PTPRZ1: variants seen among roughly 807,000 people sequenced by gnomAD.
PTPRZ1 encodes the protein protein tyrosine phosphatase receptor type Z1.
In PTPRZ1, 82 loss-of-function variants were observed where a neutral mutation model predicts 214.1. The observed-to-expected ratio is 0.38, with a 90% CI of 0.32 to 0.46. The LOEUF is 0.46. Ranked by LOEUF, PTPRZ1 falls within the 20% of genes least tolerant of loss-of-function variation. The probability of loss-of-function intolerance (pLI) is 1.00; values close to 1 mark genes in which losing one functional copy is unlikely to be tolerated. For synonymous variants in PTPRZ1, 945 were observed against 987.9 expected (o/e 0.96, Z 0.81); for missense variants, 2,603 against 2,748.7 (o/e 0.95, Z 1.19).
intron 25 of PTPRZ1, among the ~76,000 whole-genome samples, chr7:122,052,525 T>G (rs1792218637): frequency 6.6e-6 from 1 of 152,126 alleles, no homozygotes; most frequent in South Asian, 2.1e-4. Context: ...TTCCAAAACC[T>G]CTGTTCTATT....
rs1244960279 is a variant in PTPRZ1 at position 122,061,247 on chromosome 7, T to C, written c.*27T>C. 4 of 1,529,722 alleles carry C rather than the reference T, an allele frequency of 2.6e-6. No individual in the cohort carries two copies. Among genetic ancestry groups the C allele is most frequent in the Non-Finnish European group, 2.7e-6 (3 of 1,128,552 alleles). 94.8% of individuals were successfully genotyped at this position (1,529,722 alleles called of 1,614,324 possible). A position where few individuals can be genotyped will look rare whatever the true frequency, so the allele number is the denominator to read the frequency against. On this transcript the variant is annotated 3_prime_UTR_variant, in exon 30 of 30. Transcript: ENST00000393386. ...ACAGAAAGGGGTGGGGGAACTCACATCTGAGCATTGTTTTCCTCTTCCTAA... is the reference window on the plus strand; with the variant it reads ...ACAGAAAGGGGTGGGGGAACTCACACCTGAGCATTGTTTTCCTCTTCCTAA...
chr7:122,034,456 C>G (rs1366449173), intron 17 of PTPRZ1, 78 bp downstream of exon 17: 1 of 1,318,152 alleles, frequency 7.6e-7, no homozygotes, highest in Admixed American at 1.9e-5. Context: ...CTGAAGTCAT[C>G]TGAGAGCTGA....
chr7:121,913,549 C>G lies in PTPRZ1; in HGVS notation c.59-14607C>G, dbSNP rs2116317245. Among the ~76,000 whole-genome samples the G allele has an allele frequency of 1.3e-5, 2 of 152,282 alleles. 1 individual carries two copies. The highest frequency in any genetic ancestry group is 4.1e-4 in the South Asian group (2 of 4,822). On this transcript the variant is annotated intron_variant, in intron 1 of 29. Transcript: ENST00000393386. ...TTGGCCCTTCTTGTGTGTTTATAGT[C>G]ATTGAATTAATTGGTTTATTCAGCA...
chr7:122,038,314 G>A (rs1456098080), intron 18 of PTPRZ1, among the ~76,000 whole-genome samples: 1 of 152,142 alleles, frequency 6.6e-6, no homozygotes, highest in Admixed American at 6.5e-5. Context: ...GCACGTTGAA[G>A]TAGAGTAAGG....
intron 1 of PTPRZ1, among the ~76,000 whole-genome samples, chr7:121,904,485 G>A (rs1795062763): frequency 6.6e-6 from 1 of 152,088 alleles, no homozygotes; most frequent in Non-Finnish European, 1.5e-5. Context: ...TCCTGTTCTG[G>A]TTTCATGTTC....
chr7:121,949,019 C>G (rs75842592), intron 2 of PTPRZ1, among the ~76,000 whole-genome samples: 150 of 152,036 alleles, frequency 9.9e-4, no homozygotes, highest in Non-Finnish European at 1.8e-3. Context: ...CCCGATGTGC[C>G]CAAGGTGGTC....
intron 1 of PTPRZ1, among the ~76,000 whole-genome samples, chr7:121,893,357 A>G (rs903734257): frequency 7.9e-5 from 12 of 152,194 alleles, no homozygotes; most frequent in African/African-American, 2.7e-4. Flanking sequence ...GTCAGTCAAG[A>G]TGGTTTGCAC....
At chr7:121,963,281 A>G (rs1796935035) in intron 2 of PTPRZ1, among the ~76,000 whole-genome samples, 2 of 152,298 alleles carry the variant, frequency 1.3e-5, no homozygotes, top group South Asian at 4.1e-4. Context: ...CTGAGAGAGA[A>G]AGAAGTCAGG....
intron 1 of PTPRZ1, among the ~76,000 whole-genome samples, chr7:121,881,674 C>A (rs887264273): frequency 1.3e-5 from 2 of 152,150 alleles, no homozygotes; most frequent in African/African-American, 4.8e-5. Context: ...TTCAGAGTAA[C>A]CCTAGAAGGA....
intron 23 of PTPRZ1, among the ~76,000 whole-genome samples, chr7:122,046,093 G>A (rs1341700290): frequency 3.3e-5 from 5 of 152,160 alleles, no homozygotes; most frequent in Non-Finnish European, 7.3e-5. Context: ...AGCACACCCA[G>A]CTCCTAGTCT....
chr7:121,926,568 A>G (rs1447139801), intron 1 of PTPRZ1, among the ~76,000 whole-genome samples: 1 of 152,180 alleles, frequency 6.6e-6, no homozygotes, highest in Non-Finnish European at 1.5e-5. Flanking sequence ...GTATTGTATC[A>G]TTCTGTTTAT....
chr7:121,885,762 T>A (rs1403808223), intron 1 of PTPRZ1, among the ~76,000 whole-genome samples: 1 of 152,164 alleles, frequency 6.6e-6, no homozygotes, highest in East Asian at 1.9e-4. Context: ...TTTCAAGACA[T>A]CCTCTTTTAC....
rs535001648 is a variant in PTPRZ1, at chr7:121,968,037, A to G, written c.211A>G (p.Thr71Ala). Residue 71 changes from threonine (T) to alanine (A), a missense_variant, in exon 3 of 30, where the codon ACA becomes GCA. Thr to Ala is a moderately conservative substitution (Grantham distance 58). Transcript: ENST00000393386. The part of the protein sequence containing the change: ...QSPINIDEDL[T>A]QVNVNLKKLK... ...TCCTATCAATATTGATGAAGATCTT[A>G]CACAAGTAAATGTGAATCTTAAGAA... 3.8e-6 allele frequency: 6 copies of G among 1,595,306 alleles called. No individual in the cohort carries two copies. The South Asian group carries it at 6.7e-5, about 18-fold the overall frequency.
At chr7:121,884,381 C>T (rs771155123) in intron 1 of PTPRZ1, among the ~76,000 whole-genome samples, 7 of 152,074 alleles carry the variant, frequency 4.6e-5, no homozygotes, top group East Asian at 1.9e-4. Flanking sequence ...CACAAATGCA[C>T]GTGTATATTT....
intron 1 of PTPRZ1, among the ~76,000 whole-genome samples, chr7:121,920,288 T>C (rs919573016): frequency 6.6e-6 from 1 of 152,160 alleles, no homozygotes; most frequent in Non-Finnish European, 1.5e-5. Flanking sequence ...AAAACAGCAA[T>C]CTTATCATTG....
At position 121,880,627 on chromosome 7, in the gene PTPRZ1, C is replaced by T. The variant is rs184112814; in HGVS notation, c.58+7070C>T. ...AATAAAACATTGATTTTTAAAATGA[C>T]TCCTTTAAGCAGAGATCATGGTAAT... On this transcript the variant is annotated intron_variant, in intron 1 of 29. Coordinates refer to ENST00000393386, the MANE Select transcript of PTPRZ1 (RefSeq NM_002851.3). Among the ~76,000 whole-genome samples, 18 of 152,264 alleles carry T rather than the reference C, an allele frequency of 1.2e-4. No individual in the cohort carries two copies. The East Asian group carries it at 2.9e-3, about 24-fold the overall frequency.
chr7:121,967,204 CAT>C (rs1227221868), intron 2 of PTPRZ1, among the ~76,000 whole-genome samples: 2 of 152,132 alleles, frequency 1.3e-5, no homozygotes, highest in East Asian at 1.9e-4. Flanking sequence ...TACTGTGGAA[CAT>C]GTGAAAATTT....
chr7:122,006,878 T>C (rs1798504565), intron 11 of PTPRZ1, among the ~76,000 whole-genome samples: 2 of 152,050 alleles, frequency 1.3e-5, no homozygotes, highest in South Asian at 4.1e-4. Flanking sequence ...ACATTTGGTA[T>C]GAATTATATC....
At chr7:121,950,075 G>A (rs1796505701) in intron 2 of PTPRZ1, among the ~76,000 whole-genome samples, 2 of 152,260 alleles carry the variant, frequency 1.3e-5, no homozygotes, top group Admixed American at 1.3e-4. Context: ...ACATGGCTGG[G>A]GAAGCCTCAC....
Sources: gnomAD v4.1 joint callset for allele counts (sites outside exome capture counted in the v4.1 genomes callset) on GRCh38, gnomAD v4.1.1 for gene constraint, MANE v1.5 for transcripts, NCBI Gene and HGNC (gene_info 2026-07-23, HGNC 2026-07-21) for gene names.